Variants in PHIP observed in about 807,000 individuals in gnomAD.
PHIP encodes the protein PHIP subunit of CUL4-Ring ligase complex.
In PHIP, 54 loss-of-function variants were observed where a neutral mutation model predicts 236.8. The ratio of observed to expected loss-of-function variants is 0.23; its 90% CI spans 0.18 to 0.29. The LOEUF is 0.29. Ranked by LOEUF, PHIP falls within the 10% of genes least tolerant of loss-of-function variation. The pLI is 1.00. For missense variants in PHIP, 1,370 were observed against 2,190.8 expected (o/e 0.63, Z 7.48); for synonymous variants, 756 against 718.9 (o/e 1.05, Z -0.83).
At chr6:78,957,563 A>T (rs1459646740) in intron 32 of PHIP, 1 of 151,570 alleles carries the variant, frequency 6.6e-6, no homozygotes, top group African/African-American at 2.4e-5. Context: ...AATGAGAATG[A>T]AGCAGGGATG....
At chr6:79,072,742 C>T (rs1038270868) in intron 4 of PHIP, among the ~76,000 whole-genome samples, 3 of 152,122 alleles carry the variant, frequency 2.0e-5, no homozygotes, top group Admixed American at 2.0e-4. Flanking sequence ...GGATTACAGG[C>T]ATGAGCCACC....
Position 78,945,504 on chromosome 6 carries a change from C to G in PHIP, c.4631-7G>C, listed in dbSNP as rs755417146. Reference sequence around the variant, plus strand: ...TTCACAGAATTCTCTAGTACTAAAACATACAAACAAAATTTAAAAATTAAG... The same window carrying G: ...TTCACAGAATTCTCTAGTACTAAAAGATACAAACAAAATTTAAAAATTAAG... On this transcript the variant is annotated splice_region_variant and splice_polypyrimidine_tract_variant and intron_variant, in intron 38 of 39. Transcript: ENST00000275034. 6.5e-7 allele frequency: 1 copy of G among 1,541,068 alleles called. No individual in the cohort carries two copies.
At chr6:79,077,621 CCGGCGGCGG>C (rs1774243229) in intron 3 of PHIP, 70 bp downstream of exon 3, 3 of 891,802 alleles carry the variant, frequency 3.4e-6, no homozygotes, top group Non-Finnish European at 4.0e-6. Context: ...CCGCGCCCTG[CCGGCGGCGG>C]CAGCGGCGGC....
intron 7 of PHIP, among the ~76,000 whole-genome samples, chr6:79,039,084 AGAGT>A (rs1265788488): frequency 6.6e-6 from 1 of 152,188 alleles, no homozygotes; most frequent in African/African-American, 2.4e-5. Flanking sequence ...CTCTGTATAT[AGAGT>A]TAGTTTGAAT....
At chr6:79,070,124 T>C (rs868819973) in intron 4 of PHIP, among the ~76,000 whole-genome samples, 2 of 152,310 alleles carry the variant, frequency 1.3e-5, no homozygotes, top group Middle Eastern at 3.4e-3. Context: ...AAAAAATAAT[T>C]TAAAATACAA....
intron 7 of PHIP, among the ~76,000 whole-genome samples, chr6:79,035,866 T>C (rs1394004108): frequency 6.6e-6 from 1 of 152,174 alleles, no homozygotes; most frequent in African/African-American, 2.4e-5. Context: ...TGTGTTTCAT[T>C]TCCCTTACAA....
intron 6 of PHIP, among the ~76,000 whole-genome samples, chr6:79,045,799 C>G (rs1219077398): frequency 3.9e-5 from 6 of 152,024 alleles, no homozygotes; most frequent in Non-Finnish European, 8.8e-5. Context: ...TATAATTTAA[C>G]CTTAAATCAA....
chr6:79,057,090 C>G (rs1029354707), intron 6 of PHIP, among the ~76,000 whole-genome samples: 1 of 152,054 alleles, frequency 6.6e-6, no homozygotes, highest in African/African-American at 2.4e-5. Context: ...CAGAGAGTGT[C>G]AAAAATTACA....
In PHIP at chr6:78,958,601, CT is replaced by C; in HGVS notation, c.3657-2del. The C allele has an allele frequency of 6.5e-7, 1 of 1,541,816 alleles. No individual in the cohort carries two copies. The highest frequency in any genetic ancestry group is 8.9e-7 in the Non-Finnish European group (1 of 1,122,836). On this transcript the variant is annotated splice_acceptor_variant, in intron 31 of 39. Coordinates refer to ENST00000275034, the MANE Select transcript of PHIP (RefSeq NM_017934.7). LOFTEE classifies it high-confidence loss of function. ...TTCCCACATTAGGGAAGAAACCCGC[CT>C]TAAAAAAACAAAATATAGAAGTTTT...
At chr6:79,025,143 T>G (rs1771332755) in intron 9 of PHIP, among the ~76,000 whole-genome samples, 1 of 152,182 alleles carries the variant, frequency 6.6e-6, no homozygotes, top group African/African-American at 2.4e-5. Context: ...GTTTATAGAT[T>G]CAGTAGCATC....
At chr6:79,010,070 G>A (rs569153422) in intron 15 of PHIP, among the ~76,000 whole-genome samples, 12 of 149,470 alleles carry the variant, frequency 8.0e-5, no homozygotes, top group Non-Finnish European at 1.3e-4. Context: ...AAGAAGGAAG[G>A]AAAGAAGGGA....
chr6:79,059,598 T>C (rs1311613864), intron 6 of PHIP, among the ~76,000 whole-genome samples: 41 of 86,036 alleles, frequency 4.8e-4, no homozygotes, highest in Non-Finnish European at 1.1e-3. Context: ...AAATTATATA[T>C]ATATATATAT....
chr6:79,008,493 G>A (rs998354668), intron 15 of PHIP, among the ~76,000 whole-genome samples: 2 of 152,000 alleles, frequency 1.3e-5, no homozygotes, highest in African/African-American at 4.8e-5. Context: ...TCTCTGGGGA[G>A]AGCAATACTA....
intron 4 of PHIP, among the ~76,000 whole-genome samples, chr6:79,070,053 TA>T (rs930756578): frequency 1.3e-5 from 2 of 151,614 alleles, no homozygotes; most frequent in Non-Finnish European, 2.9e-5. Flanking sequence ...TACATCTTGC[TA>T]AAAAAAAGAG....
chr6:79,025,360 A>G (rs1771344932), intron 9 of PHIP, among the ~76,000 whole-genome samples, 159 bp downstream of exon 9: 1 of 152,214 alleles, frequency 6.6e-6, no homozygotes, highest in South Asian at 2.1e-4. Flanking sequence ...AAGGGGAGGA[A>G]TAAAAATAAA....
intron 6 of PHIP, among the ~76,000 whole-genome samples, chr6:79,048,180 G>A (rs1772598000): frequency 6.6e-6 from 1 of 151,888 alleles, no homozygotes; most frequent in African/African-American, 2.4e-5. Context: ...TAAACAGAAA[G>A]TTACAAAATT....
intron 7 of PHIP, among the ~76,000 whole-genome samples, chr6:79,029,862 T>C (rs189054593): frequency 1.2e-4 from 18 of 152,286 alleles, no homozygotes; most frequent in African/African-American, 3.4e-4. Context: ...TCGATAAATA[T>C]GATTATTTTA....
At chr6:78,951,739 T>C (rs538580929) in intron 35 of PHIP, among the ~76,000 whole-genome samples, 4 of 152,366 alleles carry the variant, frequency 2.6e-5, no homozygotes, top group East Asian at 1.9e-4. Context: ...TGCATTCTTA[T>C]ATATTTCCCT....
At chr6:79,003,234 T>G (rs1169613990) in intron 16 of PHIP, among the ~76,000 whole-genome samples, 4 of 151,976 alleles carry the variant, frequency 2.6e-5, no homozygotes, top group African/African-American at 9.7e-5. Flanking sequence ...GTGAGACATT[T>G]CACCCCTACT....
Sources: allele counts gnomAD v4.1 joint callset (sites outside exome capture counted in the v4.1 genomes callset), GRCh38; gene constraint gnomAD v4.1.1; transcripts MANE v1.5; gene names NCBI Gene and HGNC (gene_info 2026-07-23, HGNC 2026-07-21).